The following PECR variants were observed in gnomAD, a reference collection of about 807,000 sequenced individuals.
PECR encodes 2,4-dienoyl-CoA reductase-related protein.
A neutral mutation model predicts 35.3 loss-of-function variants in PECR; 30 were observed. The ratio of observed to expected loss-of-function variants is 0.85; its 90% CI spans 0.64 to 1.15. The LOEUF is 1.15. PECR is among the 50% of genes most tolerant of loss of function. PECR has a pLI of 0.00. For missense variants in PECR, 392 were observed against 370.8 expected (o/e 1.06, Z -0.47); for synonymous variants, 148 against 138.9 (o/e 1.07, Z -0.46).
intron 7 of PECR, among the ~76,000 whole-genome samples, chr2:216,030,375 T>G (rs1694661404): frequency 6.6e-6 from 1 of 152,180 alleles, no homozygotes; most frequent in South Asian, 2.1e-4. Flanking sequence ...CTTGAACAAG[T>G]TTCTTGACCT....
At chr2:216,038,119 T>A (rs376490673), downstream of PECR, among the ~76,000 whole-genome samples, 2 of 151,192 alleles carry the variant, frequency 1.3e-5, no homozygotes, top group African/African-American at 4.9e-5. Context: ...ATAAAGTGAG[T>A]GTTAATGATA....
At chr2:216,041,953 TCTC>T (rs1694893809) in intron 7 of PECR, among the ~76,000 whole-genome samples, 1 of 152,228 alleles carries the variant, frequency 6.6e-6, no homozygotes, top group African/African-American at 2.4e-5. Context: ...TTCGGCTGTA[TCTC>T]CTGTAATATC....
At chr2:216,072,600 A>T (rs1396172928) in intron 1 of PECR, among the ~76,000 whole-genome samples, 1 of 152,034 alleles carries the variant, frequency 6.6e-6, no homozygotes, top group African/African-American at 2.4e-5. Context: ...TTTAGCTCCC[A>T]CTTATAAGTG....
rs1157025620 is a variant in PECR at position 216,074,470 on chromosome 2, AAG to A, written c.124+7146_124+7147del. 2.0e-5 allele frequency among the ~76,000 whole-genome samples: 3 copies of A among 150,034 alleles called. No homozygotes were observed. The Admixed American group carries it at 2.0e-4, about 10-fold the overall frequency. On this transcript the variant is annotated intron_variant, in intron 1 of 7. Coordinates refer to ENST00000265322, the MANE Select transcript of PECR (RefSeq NM_018441.6). ...AGAAAGAAAAGAAAGAAAAGAAAGA[AAG>A]AGAGAGAGAAAGAAAGAAAAAAAGG...
intron 1 of PECR, among the ~76,000 whole-genome samples, chr2:216,076,859 T>C (rs1040768444): frequency 8.5e-5 from 13 of 152,100 alleles, no homozygotes; most frequent in African/African-American, 3.1e-4. Flanking sequence ...TACCATATTA[T>C]TGGGAAAAAT....
intron 1 of PECR, among the ~76,000 whole-genome samples, chr2:216,070,720 T>G (rs908847422): frequency 2.3e-4 from 35 of 152,300 alleles, no homozygotes; most frequent in African/African-American, 7.7e-4. Context: ...CGGCCTTTTG[T>G]ATTTATTGGG....
At chr2:216,039,695 C>T (rs1694854899) in intron 7 of PECR, among the ~76,000 whole-genome samples, 1 of 152,166 alleles carries the variant, frequency 6.6e-6, no homozygotes. Flanking sequence ...ATAGTGTCTC[C>T]TTAATAATCA....
chr2:216,048,640 G>T (rs1300650122), intron 6 of PECR, among the ~76,000 whole-genome samples: 1 of 151,780 alleles, frequency 6.6e-6, no homozygotes, highest in South Asian at 2.1e-4. Context: ...AACCCAGGAG[G>T]TGGAAGTTCC....
Position 216,066,471 on chromosome 2 carries a change from C to G in PECR, c.172G>C (p.Ala58Pro). Reference sequence around the variant, plus strand: ...AGGTTGGCCTGCAGTTCATCTGCCGCAGACTTCAATCTCTCCAACTTACGG... The same window carrying G: ...AGGTTGGCCTGCAGTTCATCTGCCGGAGACTTCAATCTCTCCAACTTACGG... ...ASRKLERLKS[A>P]ADELQANLPP... Residue 58 changes from alanine (A) to proline (P), a missense_variant, in exon 2 of 8, where the codon GCG (alanine) becomes CCG (proline). Ala to Pro is a conservative substitution (Grantham distance 27, BLOSUM62 -1). Transcript: ENST00000265322. 1.2e-5 allele frequency: 19 copies of G among 1,613,732 alleles called. No homozygotes were observed. The highest frequency in any genetic ancestry group is 1.6e-5 in the Non-Finnish European group (19 of 1,179,630).
chr2:216,066,204 CCTT>C (rs1465625656), intron 2 of PECR, among the ~76,000 whole-genome samples, 178 bp downstream of exon 2: 1 of 152,202 alleles, frequency 6.6e-6, no homozygotes, highest in Admixed American at 6.5e-5. Context: ...CCCTTCCTCT[CCTT>C]CTCCAGGATT....
intron 3 of PECR, among the ~76,000 whole-genome samples, chr2:216,060,966 C>T (rs1024045267): frequency 6.6e-6 from 1 of 151,708 alleles, no homozygotes; most frequent in African/African-American, 2.4e-5. Context: ...CATTTTGCAT[C>T]TTCCAATTCT....
At chr2:216,071,573 T>C (rs898932316) in intron 1 of PECR, among the ~76,000 whole-genome samples, 24 of 152,196 alleles carry the variant, frequency 1.6e-4, no homozygotes, top group African/African-American at 5.6e-4. Context: ...GCTTCTCCCT[T>C]CGTGGAGAAG....
Position 216,051,536 on chromosome 2 carries a change from TC to T in PECR, c.515del (p.Gly172GlufsTer14). The T allele has an allele frequency of 6.2e-7, 1 of 1,605,172 alleles. No homozygotes were observed. Among genetic ancestry groups the T allele is most frequent in the Non-Finnish European group, 8.5e-7 (1 of 1,171,734 alleles). On this transcript the variant is annotated frameshift_variant, in exon 5 of 8. Coordinates refer to ENST00000265322, the MANE Select transcript of PECR (RefSeq NM_018441.6). LOFTEE classifies it high-confidence loss of function. ...KAGFPLAVHS[G>X]AARAGVYNLT... Reference sequence around the variant, plus strand: ...GGTTGTAAACACCTGCTCTTGCAGCTCCAGAATGCCTTTGAAAGACAAAACA... The same window carrying T: ...GGTTGTAAACACCTGCTCTTGCAGCTCAGAATGCCTTTGAAAGACAAAACA...
intron 1 of PECR, among the ~76,000 whole-genome samples, chr2:216,079,746 C>T (rs1292857790): frequency 3.3e-5 from 5 of 149,536 alleles, no homozygotes; most frequent in African/African-American, 1.2e-4. Flanking sequence ...CTTTGGGAGG[C>T]CGAGGCGGGC....
chr2:216,069,934 CAA>C (rs35689726), intron 1 of PECR, among the ~76,000 whole-genome samples: 297 of 101,254 alleles, frequency 2.9e-3, no homozygotes, highest in African/African-American at 4.8e-3. Context: ...AAGACTCTGT[CAA>C]AAAAAAAAAA....
rs73990738 is a variant in PECR, at chr2:216,059,442, C to T, written c.425-466G>A. On this transcript the variant is annotated intron_variant, in intron 3 of 7. Coordinates refer to ENST00000265322, the MANE Select transcript of PECR (RefSeq NM_018441.6). ...GTGTTAATAGTTCCTTTTTGATTGCCGAGTAGTATTCCATTATGTGGATAT... is the reference window on the plus strand; with the variant it reads ...GTGTTAATAGTTCCTTTTTGATTGCTGAGTAGTATTCCATTATGTGGATAT... Among the ~76,000 whole-genome samples, 1,309 of 152,198 alleles carry T rather than the reference C, an allele frequency of 8.6e-3. 25 individuals are homozygous for T. The highest frequency in any genetic ancestry group is 0.03 in the African/African-American group (1,231 of 41,526).
chr2:216,070,672 T>C (rs534088402), intron 1 of PECR, among the ~76,000 whole-genome samples: 1 of 152,360 alleles, frequency 6.6e-6, no homozygotes, highest in East Asian at 1.9e-4. Context: ...GAGGGTTCCC[T>C]GCTTCTACTG....
chr2:216,052,791 G>A (rs373613269), intron 4 of PECR, among the ~76,000 whole-genome samples: 9 of 152,092 alleles, frequency 5.9e-5, no homozygotes, highest in South Asian at 4.2e-4. Context: ...ATTTTTTTCC[G>A]TCCCTGTTTC....
intron 3 of PECR, among the ~76,000 whole-genome samples, chr2:216,062,052 A>ATTTT: frequency 7.3e-6 from 1 of 137,214 alleles, no homozygotes; most frequent in East Asian, 2.1e-4. Context: ...TGCGTGGTGA[A>ATTTT]TTTTTTTTTT....
Sources: gnomAD v4.1 joint callset for allele counts (sites outside exome capture counted in the v4.1 genomes callset) on GRCh38, gnomAD v4.1.1 for gene constraint, MANE v1.5 for transcripts, NCBI Gene and HGNC (gene_info 2026-07-23, HGNC 2026-07-21) for gene names.